The following DLG1 variants were observed in gnomAD, a reference collection of about 807,000 sequenced individuals.
The protein encoded by DLG1 is discs large MAGUK scaffold protein 1.
DLG1 carries 42 observed loss-of-function variants against 123.4 expected under a neutral mutation model. The ratio of observed to expected loss-of-function variants is 0.34; its 90% CI spans 0.27 to 0.44. The LOEUF (loss-of-function observed/expected upper bound fraction) is 0.44. Among genes scored for constraint, DLG1 ranks in the 20% least tolerant of loss-of-function variants. The pLI is 1.00. For synonymous variants in DLG1, 317 were observed against 356.2 expected (o/e 0.89, Z 1.24); for missense variants, 942 against 1,082.6 (o/e 0.87, Z 1.82).
chr3:197,232,945 T>TAC (rs1744027352), intron 4 of DLG1, among the ~76,000 whole-genome samples: 1 of 152,182 alleles, frequency 6.6e-6, no homozygotes, highest in South Asian at 2.1e-4. Flanking sequence ...AAGAAGGATT[T>TAC]ACACTCTCAT....
At chr3:197,180,402 T>A (rs998673586) in intron 5 of DLG1, among the ~76,000 whole-genome samples, 2 of 151,960 alleles carry the variant, frequency 1.3e-5, no homozygotes, top group Admixed American at 6.6e-5. Flanking sequence ...AACACAAGAA[T>A]AGGAGGGACG....
At chr3:197,191,845 A>G (rs1274810436) in intron 5 of DLG1, among the ~76,000 whole-genome samples, 1 of 152,204 alleles carries the variant, frequency 6.6e-6, no homozygotes, top group African/African-American at 2.4e-5. Context: ...CTTCCAAGCT[A>G]GTAATAAGGG....
At chr3:197,153,138 G>T (rs552600824) in intron 5 of DLG1, among the ~76,000 whole-genome samples, 2 of 152,278 alleles carry the variant, frequency 1.3e-5, no homozygotes, top group African/African-American at 4.8e-5. Context: ...AAACTCCAGA[G>T]AATTCTTCTT....
At chr3:197,135,007 C>T (rs1784403967) in intron 10 of DLG1, among the ~76,000 whole-genome samples, 1 of 152,212 alleles carries the variant, frequency 6.6e-6, no homozygotes. Flanking sequence ...TTTACAGTGT[C>T]TGCCTAGAAG....
At position 197,270,781 on chromosome 3, in the gene DLG1, C is replaced by A. The variant is rs149300501; in HGVS notation, c.318+11898G>T. On this transcript the variant is annotated intron_variant, in intron 4 of 24. Coordinates refer to ENST00000667157, the MANE Select transcript of DLG1 (RefSeq NM_001366207.1). ...AAGAGCAACAACCTGATATTGTGAG[C>A]CTCCTGATGATGCAATATGAAATAC... 6.0e-3 allele frequency among the ~76,000 whole-genome samples: 908 copies of A among 152,250 alleles called. 5 individuals are homozygous for A. The highest frequency in any genetic ancestry group is 0.021 in the South Asian group (102 of 4,818).
At chr3:197,168,541 T>A (rs1222688375) in intron 5 of DLG1, among the ~76,000 whole-genome samples, 1 of 152,248 alleles carries the variant, frequency 6.6e-6, no homozygotes, top group African/African-American at 2.4e-5. Flanking sequence ...GGGAGCTGTA[T>A]AAGATTCTAA....
chr3:197,080,651 G>A (rs1283093089), intron 17 of DLG1: 6 of 154,120 alleles, frequency 3.9e-5, no homozygotes, highest in African/African-American at 7.3e-5. Flanking sequence ...TGGTAGAGAC[G>A]GGGTTTCGCC....
intron 4 of DLG1, among the ~76,000 whole-genome samples, chr3:197,231,598 G>C (rs764036531): frequency 2.6e-5 from 4 of 151,716 alleles, no homozygotes; most frequent in Non-Finnish European, 4.4e-5. Flanking sequence ...CTACTCGGGG[G>C]GCTGAGGTGG....
chr3:197,078,156 A>G (rs1290283946), intron 17 of DLG1, among the ~76,000 whole-genome samples: 1 of 151,480 alleles, frequency 6.6e-6, no homozygotes, highest in African/African-American at 2.4e-5. Flanking sequence ...AAAAAAAAAA[A>G]AAAAAAAATT....
chr3:197,186,906 G>C (rs1002747256), intron 5 of DLG1, among the ~76,000 whole-genome samples: 2 of 151,876 alleles, frequency 1.3e-5, no homozygotes, highest in Non-Finnish European at 2.9e-5. Context: ...AAAGGTAAAG[G>C]ACAAGAGGAA....
chr3:197,276,012 T>C (rs1766246846), intron 4 of DLG1, among the ~76,000 whole-genome samples: 1 of 152,198 alleles, frequency 6.6e-6, no homozygotes, highest in South Asian at 2.1e-4. Context: ...TAATTATTTA[T>C]CAATTTTAAA....
intron 3 of DLG1, among the ~76,000 whole-genome samples, chr3:197,291,608 T>C (rs1433485828): frequency 2.0e-5 from 3 of 152,204 alleles, no homozygotes; most frequent in African/African-American, 7.2e-5. Context: ...TTTATCAGAT[T>C]AAAATACTCA....
chr3:197,291,946 CA>C (rs1463238919), intron 3 of DLG1, among the ~76,000 whole-genome samples: 1 of 151,736 alleles, frequency 6.6e-6, no homozygotes, highest in Non-Finnish European at 1.5e-5. Context: ...TGGCTATTAT[CA>C]AAAAAAGAAA....
At chr3:197,166,541 C>T (rs952090196) in intron 5 of DLG1, among the ~76,000 whole-genome samples, 6 of 152,170 alleles carry the variant, frequency 3.9e-5, no homozygotes, top group East Asian at 3.9e-4. Flanking sequence ...CTCAACAGCA[C>T]GAATACACCT....
At chr3:197,045,122 G>A (rs566017015) in intron 24 of DLG1, among the ~76,000 whole-genome samples, 24 of 147,430 alleles carry the variant, frequency 1.6e-4, no homozygotes, top group Non-Finnish European at 3.3e-4. Context: ...TTTTTTTTTT[G>A]GGGTAGGATC....
At chr3:197,180,256 C>A (rs1402455678) in intron 5 of DLG1, among the ~76,000 whole-genome samples, 8 of 152,046 alleles carry the variant, frequency 5.3e-5, no homozygotes, top group Non-Finnish European at 1.2e-4. Flanking sequence ...AACTTTTCAC[C>A]TAGGCGTTAA....
chr3:197,224,846 A>G (rs1738952027), intron 4 of DLG1, among the ~76,000 whole-genome samples: 1 of 151,956 alleles, frequency 6.6e-6, no homozygotes, highest in African/African-American at 2.4e-5. Flanking sequence ...ACAAAAACTA[A>G]AAAGAAAAAA....
chr3:197,124,879 A>G (rs1387673366), intron 11 of DLG1, among the ~76,000 whole-genome samples: 2 of 152,154 alleles, frequency 1.3e-5, no homozygotes, highest in African/African-American at 4.8e-5. Context: ...TCAGATAAGG[A>G]GTATGTAAAC....
chr3:197,259,504 T>G (rs1387936798), intron 4 of DLG1, among the ~76,000 whole-genome samples: 2 of 152,186 alleles, frequency 1.3e-5, no homozygotes, highest in Non-Finnish European at 2.9e-5. Context: ...TTTTAAAATC[T>G]CAACAAGTTT....
Sources: gnomAD v4.1 joint callset for allele counts (sites outside exome capture counted in the v4.1 genomes callset) on GRCh38, gnomAD v4.1.1 for gene constraint, MANE v1.5 for transcripts, NCBI Gene and HGNC (gene_info 2026-07-23, HGNC 2026-07-21) for gene names.